Variants in NOC3L observed in about 807,000 individuals in gnomAD.
The protein encoded by NOC3L is nucleolar complex protein 3 homolog.
Under a neutral mutation model 102.5 loss-of-function variants are expected in NOC3L, and 85 were observed. The ratio of observed to expected loss-of-function variants is 0.83; its 90% CI spans 0.70 to 0.99. The LOEUF (loss-of-function observed/expected upper bound fraction) is 0.99. NOC3L is among the 50% of genes least tolerant of loss of function. The pLI is 0.00. For synonymous variants in NOC3L, 303 were observed against 309.4 expected, an observed-to-expected ratio of 0.98 and a Z score of 0.22; for missense variants, 878 against 914.9, an observed-to-expected ratio of 0.96 and a Z score of 0.52.
At chr10:94,331,298 A>G (rs900451312), downstream of NOC3L, 6 of 152,270 alleles carry the variant, frequency 3.9e-5, no homozygotes, top group Middle Eastern at 3.4e-3. Context: ...CCTCTATGAT[A>G]TGTATCAATT....
chr10:94,316,029 A>G, the NOC3L span, among the ~76,000 whole-genome samples: 7 of 152,142 alleles, frequency 4.6e-5, no homozygotes, highest in African/African-American at 1.7e-4. Context: ...TTGACTGCAC[A>G]GGGTCAGCAG....
At chr10:94,325,903 T>A in the NOC3L span, among the ~76,000 whole-genome samples, 1 of 152,140 alleles carries the variant, frequency 6.6e-6, no homozygotes, top group Non-Finnish European at 1.5e-5. Context: ...ATTAAAAAAA[T>A]AAAAATCTGG....
chr10:94,356,763 G>GT (rs1050945660), intron 4 of NOC3L, among the ~76,000 whole-genome samples, 172 bp from the exon 5 acceptor site: 3 of 151,940 alleles, frequency 2.0e-5, no homozygotes, highest in Non-Finnish European at 2.9e-5. Context: ...GCTAGCAGTA[G>GT]TTTTTTTTCC....
chr10:94,362,800 C>A, intron 1 of NOC3L, 30 bp downstream of exon 1: 1 of 1,613,922 alleles, frequency 6.2e-7, no homozygotes, highest in African/African-American at 1.3e-5. Context: ...GGCCCTAGGC[C>A]GCGGCGACCG....
At chr10:94,342,585 C>T (rs1488286032) in intron 13 of NOC3L, among the ~76,000 whole-genome samples, 3 of 151,044 alleles carry the variant, frequency 2.0e-5, no homozygotes, top group South Asian at 2.1e-4. Flanking sequence ...CACACACACA[C>T]GTGCGCAAGT....
intron 16 of NOC3L, 77 bp from the exon 17 acceptor site, chr10:94,339,997 C>A: frequency 7.7e-7 from 1 of 1,301,430 alleles, no homozygotes; most frequent in Non-Finnish European, 1.1e-6. Flanking sequence ...TTCAGATAAA[C>A]CCAAGATAAA....
At chr10:94,359,150 C>A (rs1332327837) in intron 2 of NOC3L, among the ~76,000 whole-genome samples, 1 of 152,120 alleles carries the variant, frequency 6.6e-6, no homozygotes, top group Non-Finnish European at 1.5e-5. Flanking sequence ...CTTGGCTGAG[C>A]GCGGTGGCTC....
At chr10:94,316,716 A>C in the NOC3L span, 1 of 1,614,054 alleles carries the variant, frequency 6.2e-7, no homozygotes, top group Non-Finnish European at 8.5e-7. Context: ...TTTCCAGAAG[A>C]GGGATACATG....
chr10:94,356,662 G>T (rs12771562), intron 4 of NOC3L, 71 bp from the exon 5 acceptor site: 1 of 920,022 alleles, frequency 1.1e-6, no homozygotes, highest in Admixed American at 1.9e-5. Context: ...GAAATGCTAG[G>T]AGGTGATTAC....
At chr10:94,353,078 A>G in intron 6 of NOC3L, 21 bp from the exon 7 acceptor site, 1 of 1,566,644 alleles carries the variant, frequency 6.4e-7, no homozygotes, top group Non-Finnish European at 8.7e-7. Context: ...AATAGCTTAT[A>G]AAGCTGGAGA....
intron 2 of NOC3L, 128 bp from the exon 3 acceptor site, chr10:94,358,343 C>T (rs1022307192): frequency 1.5e-6 from 1 of 668,468 alleles, no homozygotes; most frequent in Non-Finnish European, 2.7e-6. Context: ...CTCCAGCCTC[C>T]CAAAATGCTG....
Position 94,357,311 on chromosome 10 carries a change from TTCTTC to T in NOC3L, c.366_370del (p.Lys123ThrfsTer4). On this transcript the variant is annotated frameshift_variant, in exon 4 of 21. Coordinates refer to ENST00000371361, the MANE Select transcript of NOC3L (RefSeq NM_022451.11). LOFTEE classifies it high-confidence loss of function. ...ATCTATAATGCGTTCATGCTTCCGT[TTCTTC>T]GCATGAACAGGCTCACTGCAGGGGA... 1 of 1,599,558 alleles carries T rather than the reference TTCTTC, an allele frequency of 6.3e-7. No individual in the cohort carries two copies. Among genetic ancestry groups the T allele is most frequent in the Middle Eastern group, 1.7e-4 (1 of 6,014 alleles).
the NOC3L span, chr10:94,316,485 T>A: frequency 1.9e-6 from 2 of 1,039,456 alleles, no homozygotes; most frequent in African/African-American, 1.6e-5. Context: ...CTGAACACCA[T>A]GAAAGTTGAT....
the NOC3L span, chr10:94,324,528 T>A: frequency 6.2e-7 from 1 of 1,614,108 alleles, no homozygotes; most frequent in Non-Finnish European, 8.5e-7. Flanking sequence ...AGTGGAAAGG[T>A]GCAGGAAAAT....
chr10:94,349,339 T>G lies in NOC3L; in HGVS notation c.1168A>C (p.Lys390Gln), dbSNP rs985347956. ...MCCEAVKKLF[K>Q]QDKLGQASLG... The stretch of plus-strand genomic sequence containing the variant: ...GAAGCTTGGCCTAATTTATCTTGCT[T>G]AAAGAGTTTCTTCACAGCTTCACAA... The change falls in exon 10 of 21, where the codon AAG becomes CAG. Residue 390 changes from lysine to glutamine, a missense_variant. Lys to Gln is a moderately conservative substitution (Grantham distance 53). Coordinates refer to ENST00000371361, the MANE Select transcript of NOC3L (RefSeq NM_022451.11). 4 of 1,582,942 alleles carry G rather than the reference T, an allele frequency of 2.5e-6. No individual in the cohort carries two copies. Among genetic ancestry groups the G allele is most frequent in the Non-Finnish European group, 3.4e-6 (4 of 1,171,998 alleles).
Position 94,334,286 on chromosome 10 carries a change from T to C in NOC3L, c.2294A>G (p.Asp765Gly), listed in dbSNP as rs2054192155. The change falls in exon 21 of 21, where the codon GAT (aspartate) becomes GGT (glycine). Residue 765 changes from aspartate (D) to glycine (G), a missense_variant. Physicochemically the swap from Asp to Gly is moderately conservative, Grantham distance 94. Transcript: ENST00000371361. ...PKIKGKFLQGDSFLNEDLNQL... is the reference protein window; with the variant it reads ...PKIKGKFLQGGSFLNEDLNQL... ...ATTTAAATCTTCATTCAAAAATGAATCCCCTTGTAAAAATTTACCCTAGGA... is the reference window on the plus strand; with the variant it reads ...ATTTAAATCTTCATTCAAAAATGAACCCCCTTGTAAAAATTTACCCTAGGA... 6.2e-7 allele frequency: 1 copy of C among 1,604,448 alleles called. No homozygotes were observed. Among genetic ancestry groups the C allele is most frequent in the Non-Finnish European group, 8.5e-7 (1 of 1,173,136 alleles).
chr10:94,360,230 C>G (rs1338189537), intron 2 of NOC3L, among the ~76,000 whole-genome samples: 2 of 152,126 alleles, frequency 1.3e-5, no homozygotes. Flanking sequence ...GCAGGAGAAT[C>G]ACTTGAACTG....
At chr10:94,346,023 G>A (rs576875804) in intron 11 of NOC3L, among the ~76,000 whole-genome samples, 11 of 151,974 alleles carry the variant, frequency 7.2e-5, no homozygotes, top group Middle Eastern at 3.2e-3. Flanking sequence ...ATAAACAAGC[G>A]GCTGAAATTT....
Position 94,352,244 on chromosome 10 carries a change from G to A in NOC3L, c.952+66C>T, listed in dbSNP as rs1014484206. 1.7e-5 allele frequency: 19 copies of A among 1,101,324 alleles called. No individual in the cohort carries two copies. In the East Asian group the frequency reaches 4.0e-4, roughly 23 times the overall value. The allele number at this position is 1,101,324 out of a possible 1,614,324, so 68.2% of individuals were successfully genotyped here. A position where few individuals can be genotyped will look rare whatever the true frequency, so the allele number is the denominator to read the frequency against. ...CTCTCACTACACAACACAGAACACT[G>A]TACAGAATTCACCTTCATGATCAAG... is the stretch of plus-strand genomic sequence containing the variant. On this transcript the variant is annotated intron_variant, in intron 8 of 20. Transcript: ENST00000371361.
Sources: gnomAD v4.1 joint callset for allele counts (sites outside exome capture counted in the v4.1 genomes callset) on GRCh38, gnomAD v4.1.1 for gene constraint, MANE v1.5 for transcripts, NCBI Gene and HGNC (gene_info 2026-07-23, HGNC 2026-07-21) for gene names.